Variants in FBXL3 observed in about 807,000 individuals in gnomAD.
The protein encoded by FBXL3 is F-box/LRR-repeat protein 3.
Under a neutral mutation model 37.9 loss-of-function variants are expected in FBXL3, and 14 were observed. The ratio of observed to expected loss-of-function variants is 0.37; its 90% confidence interval spans 0.24 to 0.58. The LOEUF (loss-of-function observed/expected upper bound fraction) is 0.58, where lower values mean the gene tolerates loss of function less well. Ranked by LOEUF, FBXL3 falls within the 20% of genes least tolerant of loss-of-function variation. The pLI is 0.74. For synonymous variants in FBXL3, 194 were observed against 180.1 expected, an observed-to-expected ratio of 1.08 and a Z score of -0.62; for missense variants, 327 against 511.1, an observed-to-expected ratio of 0.64 and a Z score of 3.47.
chr13:77,024,161 C>G (rs1477041557), intron 1 of FBXL3, among the ~76,000 whole-genome samples: 1 of 152,092 alleles, frequency 6.6e-6, no homozygotes, highest in Non-Finnish European at 1.5e-5. Flanking sequence ...ATAGTCTACA[C>G]TGTAATCTTT....
At chr13:77,021,317 TTAA>T (rs1467355507) in intron 2 of FBXL3, among the ~76,000 whole-genome samples, 193 bp downstream of exon 2, 1 of 152,172 alleles carries the variant, frequency 6.6e-6, no homozygotes, top group Non-Finnish European at 1.5e-5. Flanking sequence ...TAAGAAATTA[TTAA>T]TAATTAATAG....
At chr13:77,021,328 T>G (rs570683067) in intron 2 of FBXL3, among the ~76,000 whole-genome samples, 185 bp downstream of exon 2, 1 of 152,162 alleles carries the variant, frequency 6.6e-6, no homozygotes, top group South Asian at 2.1e-4. Flanking sequence ...TAATAATTAA[T>G]AGAGTAATTT....
At chr13:77,022,761 T>G (rs940731469) in intron 1 of FBXL3, among the ~76,000 whole-genome samples, 2 of 152,224 alleles carry the variant, frequency 1.3e-5, no homozygotes, top group Non-Finnish European at 2.9e-5. Context: ...ATTCTATGTA[T>G]TCTTAGCACT....
intron 3 of FBXL3, chr13:77,016,420 G>C (rs2034643477): frequency 6.6e-6 from 1 of 152,116 alleles, no homozygotes; most frequent in African/African-American, 2.4e-5. Context: ...CTAATACATG[G>C]TCTAACACAT....
chr13:77,023,246 A>G (rs1430806245), intron 1 of FBXL3, among the ~76,000 whole-genome samples: 2 of 151,944 alleles, frequency 1.3e-5, no homozygotes, highest in Non-Finnish European at 2.9e-5. Context: ...TGCAGCCTCG[A>G]CCTCCTGAGA....
At chr13:77,023,343 A>T (rs1053992560) in intron 1 of FBXL3, among the ~76,000 whole-genome samples, 33 of 139,806 alleles carry the variant, frequency 2.4e-4, no homozygotes, top group African/African-American at 7.6e-4. Flanking sequence ...GGAGAGAGAG[A>T]GAGTGTGTGT....
chr13:77,020,167 TA>T (rs1288761662), intron 2 of FBXL3, among the ~76,000 whole-genome samples: 2 of 152,332 alleles, frequency 1.3e-5, no homozygotes, highest in East Asian at 3.9e-4. Context: ...GATCGCAAGA[TA>T]ATATACTAGA....
chr13:77,025,403 G>C (rs1237637687), intron 1 of FBXL3, among the ~76,000 whole-genome samples: 1 of 152,178 alleles, frequency 6.6e-6, no homozygotes, highest in Non-Finnish European at 1.5e-5. Context: ...AGCAGCACAA[G>C]GAGTTAGTGA....
At chr13:77,022,945 T>G (rs75413861) in intron 1 of FBXL3, among the ~76,000 whole-genome samples, 7,994 of 152,244 alleles carry the variant, frequency 0.053, 363 homozygotes, top group East Asian at 0.19. Flanking sequence ...TTTCCAAAAT[T>G]AGTTTAATAA....
chr13:77,021,082 T>C (rs2034734582), intron 2 of FBXL3, among the ~76,000 whole-genome samples: 1 of 152,224 alleles, frequency 6.6e-6, no homozygotes, highest in African/African-American at 2.4e-5. Flanking sequence ...CTACATAAAG[T>C]TTCTATGCTT....
Position 77,021,495 on chromosome 13 carries a change from A to G in FBXL3, c.348+18T>C. The stretch of plus-strand genomic sequence containing the variant: ...CTAAAAATACTTTATTTTTTAAAAG[A>G]AGGATTTAAAATATTACCTTGAAGC... On this transcript the variant is annotated intron_variant, in intron 2 of 4. Transcript: ENST00000355619. 2.6e-6 allele frequency: 4 copies of G among 1,548,400 alleles called. No homozygotes were observed. The highest frequency in any genetic ancestry group is 2.3e-5 in the East Asian group (1 of 44,266).
chr13:77,009,644 T>TA (rs2034513601), intron 4 of FBXL3: 1 of 152,210 alleles, frequency 6.6e-6, no homozygotes, highest in South Asian at 2.1e-4. Flanking sequence ...GGAACGCTAT[T>TA]ACAGTTAGCG....
intron 1 of FBXL3, among the ~76,000 whole-genome samples, chr13:77,025,742 G>A (rs948129722): frequency 1.4e-5 from 2 of 142,834 alleles, no homozygotes; most frequent in African/African-American, 5.2e-5. Context: ...ATTAGGTGAA[G>A]ACCGGAAGTG....
chr13:77,012,116 C>A (rs901846732), intron 4 of FBXL3, among the ~76,000 whole-genome samples: 1 of 152,064 alleles, frequency 6.6e-6, no homozygotes, highest in African/African-American at 2.4e-5. Flanking sequence ...GTTTTGGGGG[C>A]AACAGCTAAG....
chr13:77,006,243 AC>A lies in FBXL3; in HGVS notation c.*901del, dbSNP rs2034450126. 2 of 152,414 alleles carry A rather than the reference AC, an allele frequency of 1.3e-5. No homozygotes were observed. Among genetic ancestry groups the A allele is most frequent in the South Asian group, 2.1e-4 (1 of 4,830 alleles). The allele number at this position is 152,414 out of a possible 1,614,324, so 9.4% of individuals were successfully genotyped here. On this transcript the variant is annotated 3_prime_UTR_variant, in exon 5 of 5. Coordinates refer to ENST00000355619, the MANE Select transcript of FBXL3 (RefSeq NM_012158.4). Reference sequence around the variant, plus strand: ...AAACTAATATTCTTTCATGGAAACAACTGATAAACATTTTAAAGTTCTATAT... The same window carrying A: ...AAACTAATATTCTTTCATGGAAACAATGATAAACATTTTAAAGTTCTATAT...
chr13:77,018,504 A>C, intron 3 of FBXL3, 96 bp downstream of exon 3: 4 of 947,576 alleles, frequency 4.2e-6, no homozygotes, highest in Non-Finnish European at 5.9e-6. Flanking sequence ...GTATATATAT[A>C]ACTTTCCTTA....
chr13:77,007,760 G>A lies in FBXL3; in HGVS notation c.672C>T (p.His224=), dbSNP rs192590850. The A allele has an allele frequency of 2.2e-4, 353 of 1,605,466 alleles. No individual in the cohort carries two copies. Among genetic ancestry groups the A allele is most frequent in the Non-Finnish European group, 2.8e-4 (331 of 1,173,726 alleles). Residue 224 remains histidine, a synonymous_variant, in exon 5 of 5, where the codon CAC becomes CAT. Transcript: ENST00000355619. ...AGTTCAGGGCTAGTTCTCTTAAGCC[G>A]TGACACTGATCAGCCACACAAAGGA... is the stretch of plus-strand genomic sequence containing the variant. ...AGILCVADQC[H]GLRELALNYH...
At chr13:77,011,048 T>C (rs679000) in intron 4 of FBXL3, 71,583 of 152,062 alleles carry the variant, frequency 0.47, 20,652 homozygotes, top group Non-Finnish European at 0.66. Flanking sequence ...AATTAGAAAA[T>C]AGGCAAAGGG....
intron 4 of FBXL3, among the ~76,000 whole-genome samples, chr13:77,011,697 T>G (rs2034556214): frequency 7.3e-6 from 1 of 136,482 alleles, no homozygotes; most frequent in Non-Finnish European, 1.5e-5. Flanking sequence ...CACTCCAGCC[T>G]GGGCGACAGA....
Sources: gnomAD v4.1 joint callset for allele counts (sites outside exome capture counted in the v4.1 genomes callset) on GRCh38, gnomAD v4.1.1 for gene constraint, MANE v1.5 for transcripts, NCBI Gene and HGNC (gene_info 2026-07-23, HGNC 2026-07-21) for gene names.